ZNF45: variants seen among roughly 807,000 people sequenced by gnomAD.
ZNF45 encodes the protein BRC1744.
Under a neutral mutation model 12.0 loss-of-function variants are expected in ZNF45, and 4 were observed. That is an observed-to-expected ratio of 0.33 (90% CI 0.16 to 0.76). ZNF45 has a LOEUF of 0.76. Among genes scored for constraint, ZNF45 ranks in the 30% least tolerant of loss-of-function variants. The pLI is 0.60. For missense variants in ZNF45, 700 were observed against 813.0 expected (o/e 0.86, Z 1.69); for synonymous variants, 272 against 279.6 (o/e 0.97, Z 0.27).
chr19:43,916,130 T>C (rs974560681), intron 9 of ZNF45, among the ~76,000 whole-genome samples: 1 of 151,946 alleles, frequency 6.6e-6, no homozygotes, highest in African/African-American at 2.4e-5. Flanking sequence ...CTTTTTGTTT[T>C]TTTGAGACAG....
intron 9 of ZNF45, among the ~76,000 whole-genome samples, chr19:43,918,101 G>A (rs1414221939): frequency 6.6e-6 from 1 of 152,176 alleles, no homozygotes; most frequent in Non-Finnish European, 1.5e-5. Context: ...TTTGGAAGAG[G>A]TGGATGGTTG....
intron 9 of ZNF45, among the ~76,000 whole-genome samples, chr19:43,915,855 C>A (rs1257709271): frequency 6.6e-6 from 1 of 152,154 alleles, no homozygotes; most frequent in African/African-American, 2.4e-5. Flanking sequence ...GATCACTGAC[C>A]TACATACCTA....
intron 3 of ZNF45, among the ~76,000 whole-genome samples, chr19:43,928,067 G>T (rs1445547977): frequency 2.0e-5 from 3 of 151,700 alleles, no homozygotes. Context: ...TGTAATCCCA[G>T]CTACTCAGGA....
intron 9 of ZNF45, among the ~76,000 whole-genome samples, chr19:43,918,437 A>T (rs2284245): frequency 0.37 from 56,177 of 152,004 alleles, 11,546 homozygotes; most frequent in South Asian, 0.56. Flanking sequence ...TCATGAGGGC[A>T]GATCTTTCAT....
intron 9 of ZNF45, among the ~76,000 whole-genome samples, chr19:43,915,529 C>T (rs138479432): frequency 2.3e-3 from 357 of 152,338 alleles, no homozygotes; most frequent in Non-Finnish European, 4.2e-3. Context: ...ACCCCTGGGC[C>T]GTGGATCAGT....
At position 43,913,975 on chromosome 19, in the gene ZNF45, A is replaced by G. The variant is rs1179663193; in HGVS notation, c.1461T>C (p.Leu487=). Residue 487 remains leucine, a synonymous_variant, in exon 10 of 10, where the codon CTT becomes CTC. Coordinates refer to ENST00000269973, the MANE Select transcript of ZNF45 (RefSeq NM_003425.4). ...CTGTGTGGATTCTACAGTGTACATT[A>G]AGATCTGAGCTCCGACTGAAGCCCT... ...CGKGFSRSSD[L]NVHCRIHTGE... The G allele has an allele frequency of 1.2e-6, 2 of 1,613,848 alleles. 1 individual carries two copies. Among genetic ancestry groups the G allele is most frequent in the East Asian group, 4.5e-5 (2 of 44,866 alleles).
rs1272707616 is a variant in ZNF45, at chr19:43,914,384, C to G, written c.1052G>C (p.Cys351Ser). 6.2e-7 allele frequency: 1 copy of G among 1,610,856 alleles called. No homozygotes were observed. Among genetic ancestry groups the G allele is most frequent in the South Asian group, 1.1e-5 (1 of 90,850 alleles). The change falls in exon 10 of 10, where the codon TGT (cysteine) becomes TCT (serine). Residue 351 changes from cysteine (C) to serine (S), a missense_variant. Physicochemically the swap from Cys to Ser is moderately radical, Grantham distance 112 (BLOSUM62 -1). Transcript: ENST00000269973. ...GGGTTTCTCTCCTGTGTGGATTCTA[C>G]AATGAATATTAAGGTGTGAGCTGTA... is the stretch of plus-strand genomic sequence containing the variant. ...FSYSSHLNIH[C>S]RIHTGEKPYK... is the part of the protein sequence containing the mutation.
Position 43,931,017 on chromosome 19 carries a change from G to T in ZNF45, c.-400+1587C>A, listed in dbSNP as rs147120245. On this transcript the variant is annotated intron_variant, in intron 3 of 9. Transcript: ENST00000269973. The stretch of plus-strand genomic sequence containing the variant: ...TTCAGGTGCTCAATAATCACATGCG[G>T]CTAATGGCTACACTATTGGATAGTG... 4.9e-3 allele frequency among the ~76,000 whole-genome samples: 740 copies of T among 151,742 alleles called. 2 individuals carry two copies. The highest frequency in any genetic ancestry group is 8.3e-3 in the Non-Finnish European group (564 of 67,964).
chr19:43,924,263 G>C lies in ZNF45; in HGVS notation c.-58C>G, dbSNP rs1207345136. The C allele has an allele frequency of 6.6e-6, 1 of 152,208 alleles. No individual in the cohort carries two copies. The highest frequency in any genetic ancestry group is 1.9e-4 in the East Asian group (1 of 5,202). 9.4% of individuals were successfully genotyped at this position (152,208 alleles called of 1,614,324 possible). ...CTGTGAAGAAGCTACTGTTGTATCAGTTGTGTGACCTTGGTCCAAACACCT... is the reference window on the plus strand; with the variant it reads ...CTGTGAAGAAGCTACTGTTGTATCACTTGTGTGACCTTGGTCCAAACACCT... On this transcript the variant is annotated 5_prime_UTR_variant, in exon 6 of 10. Coordinates refer to ENST00000269973, the MANE Select transcript of ZNF45 (RefSeq NM_003425.4).
chr19:43,933,107 A>G (rs2147254732), intron 2 of ZNF45, among the ~76,000 whole-genome samples: 2 of 152,300 alleles, frequency 1.3e-5, no homozygotes, highest in Admixed American at 1.3e-4. Flanking sequence ...AATCCAGCCA[A>G]TTTGTAGTAT....
Position 43,925,476 on chromosome 19 carries a change from G to A in ZNF45, c.-399-18C>T, listed in dbSNP as rs906807664. 3.3e-5 allele frequency: 5 copies of A among 152,104 alleles called. No individual in the cohort carries two copies. The highest frequency in any genetic ancestry group is 9.7e-5 in the African/African-American group (4 of 41,396). 9.4% of individuals were successfully genotyped at this position (152,104 alleles called of 1,614,324 possible). Reference sequence around the variant, plus strand: ...TTCTGATTCTATGGAGGGTGGAAACGAGTAAAATACCCAGATTAAAAGCTT... The same window carrying A: ...TTCTGATTCTATGGAGGGTGGAAACAAGTAAAATACCCAGATTAAAAGCTT... On this transcript the variant is annotated intron_variant, in intron 3 of 9. Coordinates refer to ENST00000269973, the MANE Select transcript of ZNF45 (RefSeq NM_003425.4).
intron 9 of ZNF45, among the ~76,000 whole-genome samples, chr19:43,916,383 T>C (rs747421092): frequency 5.3e-5 from 8 of 152,180 alleles, no homozygotes; most frequent in Non-Finnish European, 1.2e-4. Flanking sequence ...CTCAAAGTGT[T>C]AGGATTATAG....
chr19:43,914,942 T>C lies in ZNF45; in HGVS notation c.494A>G (p.Lys165Arg). The change falls in exon 10 of 10, where the codon AAA becomes AGA. Residue 165 changes from lysine to arginine, a missense_variant. Lys to Arg is a conservative substitution (Grantham distance 26). Coordinates refer to ENST00000269973, the MANE Select transcript of ZNF45 (RefSeq NM_003425.4). Reference protein sequence around the residue: ...HRVHTGEKPYKGEHCVKSFSW... With the variant: ...HRVHTGEKPYRGEHCVKSFSW... The stretch of plus-strand genomic sequence containing the variant: ...GAAACTTTTCACACAATGTTCTCCT[T>C]TGTAGGGTTTTTCACCAGTGTGGAC... The C allele has an allele frequency of 6.2e-7, 1 of 1,611,864 alleles. No homozygotes were observed. Among genetic ancestry groups the C allele is most frequent in the Non-Finnish European group, 8.5e-7 (1 of 1,178,116 alleles).
chr19:43,915,379 T>A (rs1972557939), intron 9 of ZNF45, among the ~76,000 whole-genome samples, 179 bp from the exon 10 acceptor site: 2 of 152,264 alleles, frequency 1.3e-5, no homozygotes, highest in Admixed American at 1.3e-4. Flanking sequence ...GTAAAACTCC[T>A]ACACATAAAT....
chr19:43,927,665 A>ATATAGAG, intron 3 of ZNF45, among the ~76,000 whole-genome samples: 2 of 152,206 alleles, frequency 1.3e-5, no homozygotes, highest in African/African-American at 4.8e-5. Flanking sequence ...TTATATTTGA[A>ATATAGAG]CAGAGACCTC....
chr19:43,919,342 C>G (rs1972938972), intron 8 of ZNF45, among the ~76,000 whole-genome samples: 1 of 152,016 alleles, frequency 6.6e-6, no homozygotes, highest in South Asian at 2.1e-4. Flanking sequence ...CTGGAGATGA[C>G]CACAATTTGA....
intron 9 of ZNF45, among the ~76,000 whole-genome samples, chr19:43,916,413 G>A (rs986871212): frequency 6.6e-6 from 1 of 152,134 alleles, no homozygotes; most frequent in African/African-American, 2.4e-5. Context: ...CCCACGCCTG[G>A]CCCAGTGATG....
rs1372922364 is a variant in ZNF45, at chr19:43,924,502, G to A, written c.-206C>T. On this transcript the variant is annotated 5_prime_UTR_variant, in exon 5 of 10. Transcript: ENST00000269973. The stretch of plus-strand genomic sequence containing the variant: ...TTGGTGAGGTCAAGAGGCAGGAACA[G>A]TACCTGAATCCAGCTTTCATACCAG... The A allele has an allele frequency of 6.6e-6, 1 of 152,238 alleles. No homozygotes were observed. Among genetic ancestry groups the A allele is most frequent in the Non-Finnish European group, 1.5e-5 (1 of 68,052 alleles). 9.4% of individuals were successfully genotyped at this position (152,238 alleles called of 1,614,324 possible).
rs1466033425 is a variant in ZNF45 at position 43,913,998 on chromosome 19, C to G, written c.1438G>C (p.Gly480Arg). Residue 480 changes from glycine (G) to arginine (R), a missense_variant, in exon 10 of 10, where the codon GGC (glycine) becomes CGC (arginine). By Grantham distance (125) the Gly-to-Arg change is moderately radical (BLOSUM62 -2). Coordinates refer to ENST00000269973, the MANE Select transcript of ZNF45 (RefSeq NM_003425.4). The part of the protein sequence containing the change: ...KPYKCGTCGK[G>R]FSRSSDLNVH... ...TTAAGATCTGAGCTCCGACTGAAGC[C>G]CTTCCCACATGTACCACATTTGTAG... 1.9e-6 allele frequency: 3 copies of G among 1,613,176 alleles called. No homozygotes were observed. Among genetic ancestry groups the G allele is most frequent in the Non-Finnish European group, 2.5e-6 (3 of 1,179,728 alleles).
Sources: allele counts gnomAD v4.1 joint callset (sites outside exome capture counted in the v4.1 genomes callset), GRCh38; gene constraint gnomAD v4.1.1; transcripts MANE v1.5; gene names NCBI Gene and HGNC (gene_info 2026-07-23, HGNC 2026-07-21).